FGD4: variants seen among roughly 807,000 people sequenced by gnomAD.
FGD4 encodes FYVE, RhoGEF and PH domain containing 4, also known as FYVE, RhoGEF and PH domain-containing protein 4.
FGD4 carries 42 observed loss-of-function variants against 102.0 expected under a neutral mutation model. That is an observed-to-expected ratio of 0.41 (90% confidence interval 0.32 to 0.53). FGD4 has a LOEUF of 0.53. Among genes scored for constraint, FGD4 ranks in the 20% least tolerant of loss-of-function variants. The pLI, the probability that FGD4 is intolerant of heterozygous loss-of-function variation, is 0.21. For missense variants in FGD4, 902 were observed against 1,078.2 expected, an observed-to-expected ratio of 0.84 and a Z score of 2.29; for synonymous variants, 380 against 375.7, an observed-to-expected ratio of 1.01 and a Z score of -0.13.
At chr12:32,420,289 A>G (rs1941583885) in intron 1 of FGD4, among the ~76,000 whole-genome samples, 1 of 151,944 alleles carries the variant, frequency 6.6e-6, no homozygotes, top group Non-Finnish European at 1.5e-5. Flanking sequence ...GTCTCATTGG[A>G]TCATGTTTGT....
chr12:32,504,560 C>T (rs1180465503), intron 1 of FGD4, among the ~76,000 whole-genome samples: 1 of 152,184 alleles, frequency 6.6e-6, no homozygotes, highest in Non-Finnish European at 1.5e-5. Context: ...TGCTAGATGT[C>T]TGAGGTGTCT....
intron 1 of FGD4, among the ~76,000 whole-genome samples, chr12:32,402,402 AGAGAGG>A (rs1414538063): frequency 6.6e-6 from 1 of 151,816 alleles, no homozygotes; most frequent in Non-Finnish European, 1.5e-5. Context: ...TGTCTCAAAA[AGAGAGG>A]GAGAGGGAGA....
Position 32,399,652 on chromosome 12 carries a change from A to C in FGD4, c.-142A>C. On this transcript the variant is annotated 5_prime_UTR_variant, in exon 1 of 17. Coordinates refer to ENST00000534526, the MANE Select transcript of FGD4 (RefSeq NM_001370298.3). Reference sequence around the variant, plus strand: ...GCGTACCGGGAAGGAGAGGGAGAGGAGGCACTCGCTGAGGAGACGCCGCAG... The same window carrying C: ...GCGTACCGGGAAGGAGAGGGAGAGGCGGCACTCGCTGAGGAGACGCCGCAG... The C allele has an allele frequency of 4.9e-6, 7 of 1,416,574 alleles. No individual in the cohort carries two copies. Among genetic ancestry groups the C allele is most frequent in the Non-Finnish European group, 6.4e-6 (7 of 1,094,218 alleles). The allele number at this position is 1,416,574 out of a possible 1,614,324, so 87.8% of individuals were successfully genotyped here.
intron 1 of FGD4, among the ~76,000 whole-genome samples, chr12:32,410,164 T>TA (rs2136393455): frequency 6.6e-6 from 1 of 152,062 alleles, no homozygotes; most frequent in Non-Finnish European, 1.5e-5. Context: ...CCATCTCTAC[T>TA]AAAAATACAA....
At chr12:32,519,384 G>T (rs886577336) in intron 1 of FGD4, among the ~76,000 whole-genome samples, 1 of 152,112 alleles carries the variant, frequency 6.6e-6, no homozygotes, top group South Asian at 2.1e-4. Context: ...TTCCATTATT[G>T]TGTAATTTTA....
chr12:32,477,375 A>G (rs1566514), intron 1 of FGD4: 16,857 of 152,354 alleles, frequency 0.11, 1,013 homozygotes, highest in Middle Eastern at 0.29. Context: ...GTTTGTTGAA[A>G]TTTTATTTTA....
rs5797478 is a variant in FGD4, at chr12:32,437,108, C to CAAAAAAA, written c.166+37159_166+37165dup. Among the ~76,000 whole-genome samples the CAAAAAAA allele has an allele frequency of 1.6e-3, 177 of 108,070 alleles. 4 individuals carry two copies. The Middle Eastern group carries it at 0.029, about 18-fold the overall frequency. The allele number at this position is 108,070 out of a possible 152,430, so 70.9% of individuals were successfully genotyped here. On this transcript the variant is annotated intron_variant, in intron 1 of 16. Transcript: ENST00000534526. Reference sequence around the variant, plus strand: ...TGGGTGACAGAGTGGGACTCCATGTCAAAAAAAAAAAAAAAAGGGAAAAAG... The same window carrying CAAAAAAA: ...TGGGTGACAGAGTGGGACTCCATGTCAAAAAAAAAAAAAAAAAAAAAAAGGGAAAAAG...
chr12:32,507,936 A>G (rs1482977055), intron 1 of FGD4, among the ~76,000 whole-genome samples: 1 of 152,182 alleles, frequency 6.6e-6, no homozygotes, highest in African/African-American at 2.4e-5. Flanking sequence ...GCTTGGTAGG[A>G]CTATTAGCCC....
intron 1 of FGD4, among the ~76,000 whole-genome samples, chr12:32,404,325 G>A (rs2728675): frequency 0.48 from 72,723 of 151,370 alleles, 19,119 homozygotes; most frequent in African/African-American, 0.7. Flanking sequence ...CCAGTATCCT[G>A]AGAACTTCTA....
At chr12:32,631,725 T>C (rs1221253553) in intron 14 of FGD4, among the ~76,000 whole-genome samples, 2 of 152,012 alleles carry the variant, frequency 1.3e-5, no homozygotes, top group Non-Finnish European at 2.9e-5. Context: ...AGGCTGGTCT[T>C]GAACTCCTGA....
intron 1 of FGD4, among the ~76,000 whole-genome samples, chr12:32,505,630 A>T (rs1172240810): frequency 6.6e-6 from 1 of 152,206 alleles, no homozygotes; most frequent in Non-Finnish European, 1.5e-5. Flanking sequence ...AGTTGCTTGC[A>T]CTTTAACCCC....
intron 2 of FGD4, among the ~76,000 whole-genome samples, chr12:32,575,892 A>G (rs1001897771): frequency 6.6e-6 from 1 of 152,210 alleles, no homozygotes; most frequent in Non-Finnish European, 1.5e-5. Context: ...GTAGCAGACA[A>G]TGTATCTCTA....
intron 2 of FGD4, among the ~76,000 whole-genome samples, chr12:32,564,681 T>C (rs1208388213): frequency 6.6e-6 from 1 of 152,198 alleles, no homozygotes; most frequent in East Asian, 1.9e-4. Context: ...CAGCACTTCG[T>C]GTACTTATCA....
chr12:32,413,515 T>G (rs1941288681), intron 1 of FGD4, among the ~76,000 whole-genome samples: 1 of 152,198 alleles, frequency 6.6e-6, no homozygotes, highest in African/African-American at 2.4e-5. Context: ...ATACCACTGT[T>G]GTGTCTAAGA....
In FGD4 at chr12:32,399,633, C is replaced by G; in HGVS notation, c.-161C>G. 1.4e-6 allele frequency: 2 copies of G among 1,403,760 alleles called. No homozygotes were observed. The highest frequency in any genetic ancestry group is 1.5e-5 in the South Asian group (1 of 64,776). The allele number at this position is 1,403,760 out of a possible 1,614,324, so 87.0% of individuals were successfully genotyped here. A position where few individuals can be genotyped will look rare whatever the true frequency, so the allele number is the denominator to read the frequency against. ...GCCGCGACGCCGGGAGGGAGCGTAC[C>G]GGGAAGGAGAGGGAGAGGAGGCACT... On this transcript the variant is annotated 5_prime_UTR_variant, in exon 1 of 17. Transcript: ENST00000534526.
intron 1 of FGD4, among the ~76,000 whole-genome samples, chr12:32,551,532 C>T (rs1171809097): frequency 1.3e-5 from 2 of 152,030 alleles, no homozygotes; most frequent in African/African-American, 2.4e-5. Context: ...ATGGAAAAGC[C>T]ATGATTTGAC....
At chr12:32,523,050 A>G (rs1029298533) in intron 1 of FGD4, among the ~76,000 whole-genome samples, 16 of 152,230 alleles carry the variant, frequency 1.1e-4, no homozygotes, top group Non-Finnish European at 1.9e-4. Flanking sequence ...GCATGAACTG[A>G]AAAGGGAACT....
At chr12:32,605,216 G>A (rs759327130) in intron 7 of FGD4, among the ~76,000 whole-genome samples, 6 of 152,098 alleles carry the variant, frequency 3.9e-5, no homozygotes, top group Non-Finnish European at 7.4e-5. Context: ...TAAAATTACA[G>A]GCAGGAGCCA....
In FGD4 at chr12:32,579,039, G is replaced by GTTTTTTTTTTTTT. The variant is rs35186090; in HGVS notation, c.503+2602_503+2614dup. Among the ~76,000 whole-genome samples, 4 of 66,148 alleles carry GTTTTTTTTTTTTT rather than the reference G, an allele frequency of 6.0e-5. 1 individual carries two copies. Among genetic ancestry groups the GTTTTTTTTTTTTT allele is most frequent in the Non-Finnish European group, 7.8e-5 (3 of 38,512 alleles). The allele number at this position is 66,148 out of a possible 152,430, so 43.4% of individuals were successfully genotyped here. On this transcript the variant is annotated intron_variant, in intron 3 of 16. Transcript: ENST00000534526. ...GTTTCTACAGACCTGAACATTAGTG[G>GTTTTTTTTTTTTT]TTTTTTTTTTTTTTTTTTTTTTTTG...
Sources: gnomAD v4.1 joint callset for allele counts (sites outside exome capture counted in the v4.1 genomes callset) on GRCh38, gnomAD v4.1.1 for gene constraint, MANE v1.5 for transcripts, NCBI Gene and HGNC (gene_info 2026-07-23, HGNC 2026-07-21) for gene names.